The following CSMD3 variants were observed in gnomAD, a reference collection of about 807,000 sequenced individuals.
CSMD3 encodes CUB and sushi domain-containing protein 3.
In CSMD3, 177 loss-of-function variants were observed where a neutral mutation model predicts 435.2. The observed-to-expected ratio is 0.41, with a 90% CI of 0.36 to 0.46. The LOEUF is 0.46. Among genes scored for constraint, CSMD3 ranks in the 20% least tolerant of loss-of-function variants. The probability of loss-of-function intolerance (pLI) is 0.34; values close to 1 mark genes in which losing one functional copy is unlikely to be tolerated. For synonymous variants in CSMD3, 1,656 were observed against 1,520.5 expected (o/e 1.09, Z -2.07); for missense variants, 4,265 against 4,504.6 (o/e 0.95, Z 1.52).
At position 112,919,086 on chromosome 8, in the gene CSMD3, G is replaced by C. The variant is rs375904097; in HGVS notation, c.1633+2541C>G. On this transcript the variant is annotated intron_variant, in intron 10 of 70. Transcript: ENST00000297405. ...GACTTTGTAAACCATACACATACGTGCCTTGCATGCAATGAGCAAATGCAG... is the reference window on the plus strand; with the variant it reads ...GACTTTGTAAACCATACACATACGTCCCTTGCATGCAATGAGCAAATGCAG... Among the ~76,000 whole-genome samples, 8 of 151,922 alleles carry C rather than the reference G, an allele frequency of 5.3e-5. No homozygotes were observed. In the East Asian group the frequency reaches 1.2e-3, roughly 22 times the overall value.
intron 1 of CSMD3, among the ~76,000 whole-genome samples, chr8:113,399,436 A>G (rs1478001924): frequency 1.3e-5 from 2 of 151,980 alleles, no homozygotes; most frequent in Non-Finnish European, 2.9e-5. Flanking sequence ...ATTAACTGAC[A>G]AATGTCTAAA....
intron 41 of CSMD3, among the ~76,000 whole-genome samples, chr8:112,345,334 AC>A (rs1319190949): frequency 6.6e-6 from 1 of 152,182 alleles, no homozygotes; most frequent in Non-Finnish European, 1.5e-5. Context: ...TACGGAATCA[AC>A]CTAAGTGTCC....
intron 2 of CSMD3, among the ~76,000 whole-genome samples, chr8:113,293,649 C>A (rs2093700725): frequency 6.6e-6 from 1 of 152,098 alleles, no homozygotes; most frequent in Admixed American, 6.6e-5. Context: ...TCTTTCTTTG[C>A]TAAATAACTC....
At chr8:112,345,765 T>C (rs1825605079) in intron 41 of CSMD3, among the ~76,000 whole-genome samples, 1 of 152,128 alleles carries the variant, frequency 6.6e-6, no homozygotes, top group South Asian at 2.1e-4. Context: ...ATTAACTTTA[T>C]TTAGTTCTTC....
At chr8:112,260,362 C>T (rs1243240519) in intron 61 of CSMD3, among the ~76,000 whole-genome samples, 3 of 152,052 alleles carry the variant, frequency 2.0e-5, no homozygotes, top group Non-Finnish European at 4.4e-5. Context: ...TTTGATTTTC[C>T]CTTCTGAGTT....
chr8:112,313,044 T>G (rs753969145), intron 49 of CSMD3, among the ~76,000 whole-genome samples: 11 of 152,128 alleles, frequency 7.2e-5, no homozygotes, highest in Non-Finnish European at 1.5e-4. Flanking sequence ...TGATTTAGAA[T>G]GGTCTCTGAC....
chr8:112,495,531 G>A (rs541310378), intron 30 of CSMD3, among the ~76,000 whole-genome samples: 4 of 152,240 alleles, frequency 2.6e-5, no homozygotes, highest in South Asian at 4.1e-4. Flanking sequence ...TTATTATTAT[G>A]TTTACATACT....
intron 32 of CSMD3, among the ~76,000 whole-genome samples, chr8:112,440,588 C>T (rs1402471345): frequency 6.6e-6 from 1 of 152,204 alleles, no homozygotes; most frequent in Non-Finnish European, 1.5e-5. Flanking sequence ...CAGAGTTTCT[C>T]CAAGAGGGCT....
chr8:113,401,773 A>G (rs1378697551), intron 1 of CSMD3, among the ~76,000 whole-genome samples: 1 of 151,566 alleles, frequency 6.6e-6, no homozygotes, highest in Non-Finnish European at 1.5e-5. Context: ...ACATGTTATT[A>G]TAATGTCATA....
At chr8:112,313,286 G>A (rs954617279) in intron 49 of CSMD3, among the ~76,000 whole-genome samples, 6 of 152,180 alleles carry the variant, frequency 3.9e-5, no homozygotes, top group African/African-American at 9.6e-5. Flanking sequence ...AAGCAGTAGC[G>A]ACAAAACGCT....
intron 27 of CSMD3, among the ~76,000 whole-genome samples, chr8:112,531,983 A>G (rs1043317678): frequency 2.6e-5 from 4 of 151,902 alleles, no homozygotes; most frequent in Non-Finnish European, 5.9e-5. Flanking sequence ...AAACTCAGAT[A>G]ATCAGTTTAG....
At chr8:112,707,265 C>T (rs909381040) in intron 13 of CSMD3, among the ~76,000 whole-genome samples, 1 of 151,766 alleles carries the variant, frequency 6.6e-6, no homozygotes, top group Non-Finnish European at 1.5e-5. Context: ...GAAGGATAAA[C>T]CACTCTTACT....
intron 4 of CSMD3, among the ~76,000 whole-genome samples, chr8:113,119,342 A>G (rs1005563962): frequency 6.6e-6 from 1 of 152,202 alleles, no homozygotes; most frequent in African/African-American, 2.4e-5. Flanking sequence ...TAAGAAAACA[A>G]AATGAAACAA....
chr8:113,271,065 A>G lies in CSMD3; in HGVS notation c.514+7527T>C, dbSNP rs1466792043. 7.9e-5 allele frequency among the ~76,000 whole-genome samples: 12 copies of G among 152,070 alleles called. No homozygotes were observed. The East Asian group carries it at 2.3e-3, about 29-fold the overall frequency. On this transcript the variant is annotated intron_variant, in intron 3 of 70. Coordinates refer to ENST00000297405, the MANE Select transcript of CSMD3 (RefSeq NM_198123.2). ...GCACTTCAGAGGGATATTTTAGGGT[A>G]TCTGGTAGAAGAAATTTCTAAGCAG...
chr8:112,534,755 G>C (rs1276085262), intron 27 of CSMD3, among the ~76,000 whole-genome samples: 2 of 152,036 alleles, frequency 1.3e-5, no homozygotes, highest in Non-Finnish European at 2.9e-5. Flanking sequence ...CAATATCCTT[G>C]ATGAACATTG....
rs1033632260 is a variant in CSMD3, at chr8:112,550,576, A to C, written c.4564+95T>G. On this transcript the variant is annotated intron_variant, in intron 27 of 70. Coordinates refer to ENST00000297405, the MANE Select transcript of CSMD3 (RefSeq NM_198123.2). The stretch of plus-strand genomic sequence containing the variant: ...GAAACACGAATATTTAAAATCATTA[A>C]AATTTTAAAATTAAAATTTTGAACA... 222 of 684,292 alleles carry C rather than the reference A, an allele frequency of 3.2e-4. 1 individual carries two copies. Among genetic ancestry groups the C allele is most frequent in the Middle Eastern group, 1.2e-3 (3 of 2,506 alleles). 42.4% of individuals were successfully genotyped at this position (684,292 alleles called of 1,614,324 possible).
At chr8:112,525,443 G>A (rs939739582) in intron 27 of CSMD3, among the ~76,000 whole-genome samples, 2 of 150,172 alleles carry the variant, frequency 1.3e-5, no homozygotes, top group Admixed American at 6.6e-5. Context: ...TCAAAAGGCC[G>A]GGAGCAGTGG....
chr8:112,394,808 T>C (rs1190142769), intron 35 of CSMD3, among the ~76,000 whole-genome samples: 4 of 152,290 alleles, frequency 2.6e-5, no homozygotes, highest in Middle Eastern at 3.4e-3. Flanking sequence ...AAATGTAAAA[T>C]GTAAATGCAA....
chr8:112,311,580 A>G (rs745958277), intron 49 of CSMD3, among the ~76,000 whole-genome samples: 4 of 152,160 alleles, frequency 2.6e-5, no homozygotes, highest in Non-Finnish European at 5.9e-5. Context: ...TTATATCCAG[A>G]CACCTCTACC....
Sources: gnomAD v4.1 joint callset for allele counts (sites outside exome capture counted in the v4.1 genomes callset) on GRCh38, gnomAD v4.1.1 for gene constraint, MANE v1.5 for transcripts, NCBI Gene and HGNC (gene_info 2026-07-23, HGNC 2026-07-21) for gene names.